The following CDKAL1 variants were observed in gnomAD, a reference collection of about 807,000 sequenced individuals.
CDKAL1 encodes CDKAL1 threonylcarbamoyladenosine tRNA methylthiotransferase.
A neutral mutation model predicts 68.2 loss-of-function variants in CDKAL1; 32 were observed. The ratio of observed to expected loss-of-function variants is 0.47; its 90% confidence interval spans 0.35 to 0.63. The LOEUF (loss-of-function observed/expected upper bound fraction) is 0.63. Among genes scored for constraint, CDKAL1 ranks in the 30% least tolerant of loss-of-function variants. CDKAL1 has a pLI of 0.00. For synonymous variants in CDKAL1, 234 were observed against 244.3 expected, an observed-to-expected ratio of 0.96 and a Z score of 0.39; for missense variants, 606 against 696.7, an observed-to-expected ratio of 0.87 and a Z score of 1.47.
intron 8 of CDKAL1, among the ~76,000 whole-genome samples, chr6:20,829,724 C>G (rs1161551348): frequency 6.6e-6 from 1 of 152,098 alleles, no homozygotes. Context: ...CAGAAGTAGA[C>G]CAATGTTAAT....
intron 10 of CDKAL1, among the ~76,000 whole-genome samples, chr6:20,979,566 C>G (rs563123324): frequency 1.3e-5 from 2 of 151,596 alleles, no homozygotes; most frequent in African/African-American, 4.9e-5. Context: ...ACATGTTTCC[C>G]GGGGGTTCGA....
At chr6:20,608,028 A>T (rs1234110754) in intron 4 of CDKAL1, among the ~76,000 whole-genome samples, 1 of 152,214 alleles carries the variant, frequency 6.6e-6, no homozygotes, top group Non-Finnish European at 1.5e-5. Flanking sequence ...GCAATAGCTC[A>T]GGGTACTTAC....
chr6:20,993,852 T>C (rs942965493), intron 10 of CDKAL1, among the ~76,000 whole-genome samples: 13 of 152,264 alleles, frequency 8.5e-5, no homozygotes, highest in African/African-American at 3.1e-4. Context: ...TTTTTTAATC[T>C]GGTTAGCCAT....
intron 8 of CDKAL1, among the ~76,000 whole-genome samples, chr6:20,796,139 G>A (rs1270425204): frequency 6.6e-6 from 1 of 151,994 alleles, no homozygotes; most frequent in Non-Finnish European, 1.5e-5. Context: ...TAAAACTTCT[G>A]GAACTCATAA....
At chr6:20,769,749 G>A (rs1039912055) in intron 7 of CDKAL1, among the ~76,000 whole-genome samples, 1 of 152,154 alleles carries the variant, frequency 6.6e-6, no homozygotes, top group Non-Finnish European at 1.5e-5. Flanking sequence ...GGTAGTAACT[G>A]TAATTAACTT....
chr6:21,188,619 C>A (rs1778110612), intron 13 of CDKAL1, among the ~76,000 whole-genome samples: 1 of 152,160 alleles, frequency 6.6e-6, no homozygotes, highest in Non-Finnish European at 1.5e-5. Context: ...ATGGATAGAT[C>A]TTACTGGCAG....
intron 5 of CDKAL1, among the ~76,000 whole-genome samples, chr6:20,697,403 A>G (rs1284016871): frequency 6.6e-6 from 1 of 152,222 alleles, no homozygotes; most frequent in Non-Finnish European, 1.5e-5. Context: ...TTGAAAGATA[A>G]TGTGATAATA....
chr6:20,953,394 G>A (rs894895169), intron 9 of CDKAL1, among the ~76,000 whole-genome samples: 8 of 152,146 alleles, frequency 5.3e-5, no homozygotes, highest in African/African-American at 1.9e-4. Context: ...GAACCATTTG[G>A]ATGGAAAAAT....
At chr6:21,122,792 T>A (rs538246913) in intron 13 of CDKAL1, among the ~76,000 whole-genome samples, 1 of 141,752 alleles carries the variant, frequency 7.1e-6, no homozygotes, top group Non-Finnish European at 1.5e-5. Flanking sequence ...CACACTACCA[T>A]CCCCAGTTAG....
intron 9 of CDKAL1, among the ~76,000 whole-genome samples, chr6:20,871,659 G>A (rs1314433178): frequency 6.6e-6 from 1 of 151,972 alleles, no homozygotes; most frequent in Admixed American, 6.6e-5. Flanking sequence ...TGCTGTCTTG[G>A]CCCTTGACCA....
At chr6:21,175,271 G>A (rs952644943) in intron 13 of CDKAL1, among the ~76,000 whole-genome samples, 3 of 152,160 alleles carry the variant, frequency 2.0e-5, no homozygotes, top group Admixed American at 1.3e-4. Flanking sequence ...GTTATTTTGG[G>A]CAGCTTTGGC....
At chr6:20,902,347 ACACACACACAC>A (rs1561870935) in intron 9 of CDKAL1, among the ~76,000 whole-genome samples, 8,286 of 103,436 alleles carry the variant, frequency 0.08, 335 homozygotes, top group African/African-American at 0.15. Flanking sequence ...ACACACACAC[ACACACACACAC>A]AATGTGTTTA....
intron 11 of CDKAL1, among the ~76,000 whole-genome samples, chr6:21,003,371 T>TATATATATATATACACAC: frequency 1.6e-3 from 80 of 49,284 alleles, no homozygotes; most frequent in East Asian, 2.6e-3. Flanking sequence ...TATATATATA[T>TATATATATATATACACAC]ACACACACAC....
rs77594637 is a variant in CDKAL1, at chr6:21,001,632, A to G, written c.1055+1260A>G. ...GATCTCTACCCTTTTTAATACTTTC[A>G]AATCTTGAACAGAACTGTGTTAGGC... On this transcript the variant is annotated intron_variant, in intron 11 of 15. Transcript: ENST00000274695. Among the ~76,000 whole-genome samples the G allele has an allele frequency of 3.9e-3, 599 of 152,330 alleles. 6 individuals are homozygous for G. Among genetic ancestry groups the G allele is most frequent in the African/African-American group, 0.014 (571 of 41,566 alleles).
chr6:20,588,277 G>C (rs1257856894), intron 4 of CDKAL1, among the ~76,000 whole-genome samples: 11 of 152,144 alleles, frequency 7.2e-5, no homozygotes, highest in African/African-American at 2.4e-4. Flanking sequence ...AATGTTGAGT[G>C]AACTTTTCAA....
chr6:21,162,276 A>T (rs1776959967), intron 13 of CDKAL1, among the ~76,000 whole-genome samples: 1 of 152,238 alleles, frequency 6.6e-6, no homozygotes, highest in African/African-American at 2.4e-5. Flanking sequence ...AACATTGAAC[A>T]GCCATCTTCT....
chr6:20,604,048 A>G (rs1395751496), intron 4 of CDKAL1, among the ~76,000 whole-genome samples: 1 of 151,202 alleles, frequency 6.6e-6, no homozygotes, highest in East Asian at 2.0e-4. Context: ...GTGTGGATAG[A>G]CCTCTCTGAA....
At chr6:20,567,093 C>G (rs930174779) in intron 4 of CDKAL1, among the ~76,000 whole-genome samples, 2 of 151,898 alleles carry the variant, frequency 1.3e-5, no homozygotes, top group East Asian at 3.9e-4. Flanking sequence ...ATTTTTGGGT[C>G]TCATCTGGAT....
At chr6:20,934,266 T>C (rs1763601728) in intron 9 of CDKAL1, among the ~76,000 whole-genome samples, 1 of 152,186 alleles carries the variant, frequency 6.6e-6, no homozygotes, top group African/African-American at 2.4e-5. Flanking sequence ...TAGACATCCA[T>C]TTAAAGCCAA....
Sources: gnomAD v4.1 joint callset for allele counts (sites outside exome capture counted in the v4.1 genomes callset) on GRCh38, gnomAD v4.1.1 for gene constraint, MANE v1.5 for transcripts, NCBI Gene and HGNC (gene_info 2026-07-23, HGNC 2026-07-21) for gene names.